The following SORCS2 variants were observed in gnomAD, a reference collection of about 807,000 sequenced individuals.
The protein encoded by SORCS2 is VPS10 domain-containing receptor SorCS2.
In SORCS2, 100 loss-of-function variants were observed where a neutral mutation model predicts 141.6. That is an observed-to-expected ratio of 0.71 (90% CI 0.60 to 0.83). The LOEUF is 0.83. Among genes scored for constraint, SORCS2 ranks in the 40% least tolerant of loss-of-function variants. The pLI, the probability that SORCS2 is intolerant of heterozygous loss-of-function variation, is 0.00. For synonymous variants in SORCS2, 789 were observed against 676.9 expected (o/e 1.17, Z -2.57); for missense variants, 1,646 against 1,560.2 (o/e 1.05, Z -0.93).
chr4:7,650,602 G>A (rs888503292), intron 4 of SORCS2, among the ~76,000 whole-genome samples: 1 of 152,152 alleles, frequency 6.6e-6, no homozygotes. Flanking sequence ...TACAGCTGGG[G>A]CATCATTTTA....
chr4:7,606,528 C>T (rs1292827194), intron 3 of SORCS2, among the ~76,000 whole-genome samples: 1 of 152,102 alleles, frequency 6.6e-6, no homozygotes, highest in Non-Finnish European at 1.5e-5. Flanking sequence ...TCCAGAGCTC[C>T]TCTGTCAGAT....
rs147429318 is a variant in SORCS2 at position 7,523,089 on chromosome 4, C to T, written c.549-8441C>T. 7.1e-5 allele frequency among the ~76,000 whole-genome samples: 10 copies of T among 141,726 alleles called. No individual in the cohort carries two copies. In the South Asian group the frequency reaches 2.2e-3, roughly 31 times the overall value. 93.0% of individuals were successfully genotyped at this position (141,726 alleles called of 152,430 possible). On this transcript the variant is annotated intron_variant, in intron 2 of 26. Coordinates refer to ENST00000507866, the MANE Select transcript of SORCS2 (RefSeq NM_020777.3). Reference sequence around the variant, plus strand: ...TCCCCTTTCCTTCCTCTTCCCATTTCCCTCCTCCCTCTGCCTCCTCCCTCT... The same window carrying T: ...TCCCCTTTCCTTCCTCTTCCCATTTTCCTCCTCCCTCTGCCTCCTCCCTCT...
At chr4:7,338,398 TGGTTGGATGTCGGTTGGATGGAA>T (rs1720153131) in intron 1 of SORCS2, among the ~76,000 whole-genome samples, 3 of 133,238 alleles carry the variant, frequency 2.3e-5, no homozygotes, top group Admixed American at 1.5e-4. Context: ...GATGGATGGA[TGGTTGGATGTCGGTTGGATGGAA>T]GGATGGATGG....
At chr4:7,659,502 T>A (rs981848255) in intron 5 of SORCS2, among the ~76,000 whole-genome samples, 1 of 151,736 alleles carries the variant, frequency 6.6e-6, no homozygotes, top group East Asian at 1.9e-4. Context: ...AGCCAGGTGG[T>A]GAATGGATGG....
Position 7,344,144 on chromosome 4 carries a change from G to T in SORCS2, c.481-52144G>T, listed in dbSNP as rs1056906841. ...TCTGCCTACGCACCTAGAGGTGCAC[G>T]TGTCTGCTGTCCTTTGACTTAACTA... On this transcript the variant is annotated intron_variant, in intron 1 of 26. Transcript: ENST00000507866. Among the ~76,000 whole-genome samples the T allele has an allele frequency of 2.0e-5, 3 of 152,238 alleles. No homozygotes were observed. In the East Asian group the frequency reaches 5.8e-4, roughly 29 times the overall value.
At chr4:7,712,952 A>C (rs1577106396) in intron 15 of SORCS2, 99 bp downstream of exon 15, 3 of 1,494,010 alleles carry the variant, frequency 2.0e-6, no homozygotes, top group Non-Finnish European at 9.0e-7. Flanking sequence ...GCCGCAGGGC[A>C]CCTCCCCGCC....
At chr4:7,572,090 A>G (rs944140782) in intron 3 of SORCS2, among the ~76,000 whole-genome samples, 14 of 152,084 alleles carry the variant, frequency 9.2e-5, no homozygotes, top group African/African-American at 3.4e-4. Context: ...CTGCCATCTC[A>G]TGCTCCGTGA....
intron 2 of SORCS2, among the ~76,000 whole-genome samples, chr4:7,526,302 T>C (rs563814256): frequency 2.0e-5 from 3 of 152,294 alleles, no homozygotes; most frequent in South Asian, 2.1e-4. Context: ...ATCGGAGCCA[T>C]TGGGGTCTTT....
chr4:7,591,823 G>C (rs950428749), intron 3 of SORCS2, among the ~76,000 whole-genome samples: 1 of 152,178 alleles, frequency 6.6e-6, no homozygotes, highest in Admixed American at 6.5e-5. Flanking sequence ...CGCACGGATG[G>C]ATGGGTTTCC....
chr4:7,270,200 C>G (rs1376578487), intron 1 of SORCS2, among the ~76,000 whole-genome samples: 1 of 152,266 alleles, frequency 6.6e-6, no homozygotes, highest in Non-Finnish European at 1.5e-5. Context: ...TAAATCTCAT[C>G]CAGAGGCATA....
intron 4 of SORCS2, among the ~76,000 whole-genome samples, chr4:7,646,157 G>A (rs1260866896): frequency 6.6e-6 from 1 of 152,256 alleles, no homozygotes; most frequent in South Asian, 2.1e-4. Context: ...CGAGGAGCAG[G>A]AGATAAACTC....
At chr4:7,338,433 T>C (rs1560203678) in intron 1 of SORCS2, among the ~76,000 whole-genome samples, 1 of 151,184 alleles carries the variant, frequency 6.6e-6, no homozygotes, top group Admixed American at 6.6e-5. Flanking sequence ...GATGGATGGA[T>C]GGATGGATGG....
At chr4:7,358,015 A>AC (rs958956443) in intron 1 of SORCS2, among the ~76,000 whole-genome samples, 1 of 151,988 alleles carries the variant, frequency 6.6e-6, no homozygotes, top group African/African-American at 2.4e-5. Flanking sequence ...ATATTTGTGT[A>AC]CCCCCCATTC....
rs138661790 is a variant in SORCS2 at position 7,700,006 on chromosome 4, G to A, written c.1668+2732G>A. 7.5e-3 allele frequency among the ~76,000 whole-genome samples: 1,143 copies of A among 152,250 alleles called. 14 individuals are homozygous for A. Among genetic ancestry groups the A allele is most frequent in the African/African-American group, 0.026 (1,080 of 41,542 alleles). On this transcript the variant is annotated intron_variant, in intron 12 of 26. Coordinates refer to ENST00000507866, the MANE Select transcript of SORCS2 (RefSeq NM_020777.3). ...CCAATCAAGCCTTAGGTGTCACACCGGCCTCCAAGCTGCTCATCTGTCCCG... is the reference window on the plus strand; with the variant it reads ...CCAATCAAGCCTTAGGTGTCACACCAGCCTCCAAGCTGCTCATCTGTCCCG...
Position 7,233,614 on chromosome 4 carries a change from G to T in SORCS2, c.480+40488G>T, listed in dbSNP as rs148311916. Among the ~76,000 whole-genome samples, 1 of 152,198 alleles carries T rather than the reference G, an allele frequency of 6.6e-6. No individual in the cohort carries two copies. The highest frequency in any genetic ancestry group is 1.5e-5 in the Non-Finnish European group (1 of 68,034). On this transcript the variant is annotated intron_variant, in intron 1 of 26. Transcript: ENST00000507866. This position sits in a 1 kb window ranked among gnomAD's most constrained non-coding sequence, Gnocchi z 4.5. ...GAATGAGGCTGGCGGTCACCGTGGA[G>T]TGCAGCGCTTCTCAGGTGGGACGTT...
At chr4:7,267,486 C>T (rs775700628) in intron 1 of SORCS2, among the ~76,000 whole-genome samples, 2 of 152,104 alleles carry the variant, frequency 1.3e-5, no homozygotes, top group African/African-American at 4.8e-5. Context: ...AGCCCTGGCC[C>T]GTAAGCAGAA....
chr4:7,384,177 G>A (rs1329054457), intron 1 of SORCS2, among the ~76,000 whole-genome samples: 3 of 152,166 alleles, frequency 2.0e-5, no homozygotes, highest in African/African-American at 7.2e-5. Flanking sequence ...TGAGGCCAAA[G>A]CTGCCATCCA....
At chr4:7,463,246 A>G (rs1293774905) in intron 2 of SORCS2, among the ~76,000 whole-genome samples, 2 of 152,174 alleles carry the variant, frequency 1.3e-5, no homozygotes, top group Non-Finnish European at 2.9e-5. Context: ...GATTTGGTCC[A>G]TGTTATAGGA....
intron 1 of SORCS2, among the ~76,000 whole-genome samples, chr4:7,209,398 C>T (rs1285236361): frequency 1.3e-5 from 2 of 152,190 alleles, no homozygotes; most frequent in Non-Finnish European, 2.9e-5. Flanking sequence ...ATACTTGTGG[C>T]CTCTGGGGTG....
Sources: gnomAD v4.1 joint callset for allele counts (sites outside exome capture counted in the v4.1 genomes callset) on GRCh38, gnomAD v4.1.1 for gene constraint, Gnocchi (gnomAD v3.1) non-coding constraint, MANE v1.5 for transcripts, NCBI Gene and HGNC (gene_info 2026-07-23, HGNC 2026-07-21) for gene names.